ZFP82: variants seen among roughly 807,000 people sequenced by gnomAD.
The protein encoded by ZFP82 is zinc finger protein 82 homolog.
ZFP82 carries 30 observed loss-of-function variants against 54.0 expected under a neutral mutation model. The observed-to-expected ratio is 0.56, with a 90% CI of 0.42 to 0.75. The LOEUF (loss-of-function observed/expected upper bound fraction) is 0.75. Among genes scored for constraint, ZFP82 ranks in the 30% least tolerant of loss-of-function variants. The pLI is 0.00. For synonymous variants in ZFP82, 194 were observed against 209.5 expected (o/e 0.93, Z 0.64); for missense variants, 500 against 636.8 (o/e 0.79, Z 2.31).
Position 36,393,294 on chromosome 19 carries a change from A to T in ZFP82, c.1046T>A (p.Val349Glu). 6.2e-7 allele frequency: 1 copy of T among 1,612,900 alleles called. No individual in the cohort carries two copies. Among genetic ancestry groups the T allele is most frequent in the Non-Finnish European group, 8.5e-7 (1 of 1,179,686 alleles). The part of the protein sequence containing the change: ...ECKECGKAFR[V>E]RQQLTLHQRI... Reference sequence around the variant, plus strand: ...CTGATGGAGTGTTAGTTGTTGTCGCACTCTAAAGGCCTTCCCGCATTCCTT... The same window carrying T: ...CTGATGGAGTGTTAGTTGTTGTCGCTCTCTAAAGGCCTTCCCGCATTCCTT... Residue 349 changes from valine (V) to glutamate (E), a missense_variant, in exon 5 of 5, where the codon GTG (valine) becomes GAG (glutamate). Physicochemically the swap from Val to Glu is moderately radical, Grantham distance 121 (BLOSUM62 -2). Coordinates refer to ENST00000392161, the MANE Select transcript of ZFP82 (RefSeq NM_133466.4).
chr19:36,407,298 G>A (rs1032862379), intron 3 of ZFP82, among the ~76,000 whole-genome samples: 4 of 151,506 alleles, frequency 2.6e-5, no homozygotes, highest in African/African-American at 9.7e-5. Context: ...GGATGGTCTC[G>A]ATCTCCTGAC....
intron 2 of ZFP82, among the ~76,000 whole-genome samples, chr19:36,408,485 A>C (rs573192845): frequency 1.9e-4 from 29 of 152,284 alleles, no homozygotes; most frequent in Admixed American, 1.8e-3. Context: ...TCCTAGAAGC[A>C]GATCATATCA....
At chr19:36,412,172 A>C (rs530110491) in intron 1 of ZFP82, among the ~76,000 whole-genome samples, 1 of 152,258 alleles carries the variant, frequency 6.6e-6, no homozygotes, top group Admixed American at 6.5e-5. Context: ...AAGATATATA[A>C]TCTCTTAGAA....
intron 1 of ZFP82, among the ~76,000 whole-genome samples, chr19:36,411,791 G>A (rs1218964310): frequency 6.6e-6 from 1 of 151,528 alleles, no homozygotes; most frequent in Non-Finnish European, 1.5e-5. Context: ...CGTGAAACCA[G>A]GAGGCGGAGC....
At chr19:36,400,825 C>T (rs957933460) in intron 4 of ZFP82, among the ~76,000 whole-genome samples, 12 of 152,294 alleles carry the variant, frequency 7.9e-5, no homozygotes, top group Admixed American at 7.8e-4. Flanking sequence ...TCCCTTCATA[C>T]ATAATTCCTC....
intron 1 of ZFP82, among the ~76,000 whole-genome samples, chr19:36,417,993 G>C (rs979707646): frequency 4.1e-4 from 63 of 152,198 alleles, no homozygotes; most frequent in African/African-American, 1.2e-3. Flanking sequence ...GCTCGCTGCA[G>C]CCTCAATCTC....
intron 4 of ZFP82, among the ~76,000 whole-genome samples, chr19:36,396,860 T>A (rs1405325601): frequency 7.5e-6 from 1 of 134,178 alleles, no homozygotes; most frequent in Non-Finnish European, 1.6e-5. Flanking sequence ...AAAAAAAAAA[T>A]TAAGCCTACA....
Position 36,391,794 on chromosome 19 carries a change from C to T in ZFP82, c.*947G>A, listed in dbSNP as rs2032203881. 6.6e-6 allele frequency: 1 copy of T among 152,094 alleles called. No individual in the cohort carries two copies. Among genetic ancestry groups the T allele is most frequent in the African/African-American group, 2.4e-5 (1 of 41,392 alleles). 9.4% of individuals were successfully genotyped at this position (152,094 alleles called of 1,614,324 possible). A position where few individuals can be genotyped will look rare whatever the true frequency, so the allele number is the denominator to read the frequency against. On this transcript the variant is annotated 3_prime_UTR_variant, in exon 5 of 5. Transcript: ENST00000392161. ...GGGTATCTGTTTTTTAATGAACAAACTGGAAAGGAATTCCTTACTTTCAAT... is the reference window on the plus strand; with the variant it reads ...GGGTATCTGTTTTTTAATGAACAAATTGGAAAGGAATTCCTTACTTTCAAT...
chr19:36,401,057 CTTCT>C (rs1325929597), intron 4 of ZFP82, among the ~76,000 whole-genome samples: 77 of 79,988 alleles, frequency 9.6e-4, no homozygotes, highest in South Asian at 2.8e-3. Context: ...ATGGCTGCCC[CTTCT>C]TTTTTTTTTT....
At chr19:36,386,748 C>A (rs2032119780), downstream of ZFP82, among the ~76,000 whole-genome samples, 1 of 152,130 alleles carries the variant, frequency 6.6e-6, no homozygotes, top group South Asian at 2.1e-4. Context: ...ACCAGCCTGG[C>A]CAACATGGTG....
intron 4 of ZFP82, chr19:36,394,366 C>T (rs527916923): frequency 1.4e-5 from 6 of 424,184 alleles, no homozygotes; most frequent in South Asian, 1.3e-4. Flanking sequence ...AGAATCACCA[C>T]ATAGCTTGTT....
intron 4 of ZFP82, among the ~76,000 whole-genome samples, chr19:36,403,693 CAA>C (rs901568598): frequency 6.8e-6 from 1 of 147,996 alleles, no homozygotes; most frequent in African/African-American, 2.5e-5. Context: ...ACAAGGTAAA[CAA>C]AAGACCATGA....
Position 36,394,036 on chromosome 19 carries a change from TC to T in ZFP82, c.303del (p.Trp101Ter). 1 of 1,611,200 alleles carries T rather than the reference TC, an allele frequency of 6.2e-7. No individual in the cohort carries two copies. Among genetic ancestry groups the T allele is most frequent in the South Asian group, 1.1e-5 (1 of 89,962 alleles). The stretch of plus-strand genomic sequence containing the variant: ...TGGTTTTCAATTCTTTCCATTATCT[TC>T]CACTGGGATAAATTTATTTCATAAA... ...NDIYEINLSQWKIMERIENHG... is the reference protein window; with the variant it reads ...NDIYEINLSQXKIMERIENHG... On this transcript the variant is annotated frameshift_variant, in exon 5 of 5. Transcript: ENST00000392161. LOFTEE classifies it high-confidence loss of function.
intron 3 of ZFP82, among the ~76,000 whole-genome samples, chr19:36,407,084 T>TC (rs1237338865): frequency 2.1e-5 from 3 of 145,566 alleles, no homozygotes; most frequent in East Asian, 3.9e-4. Context: ...CTTTTTTTTT[T>TC]TTTTTTTTTT....
At chr19:36,396,559 G>A (rs538555707) in intron 4 of ZFP82, among the ~76,000 whole-genome samples, 1 of 152,258 alleles carries the variant, frequency 6.6e-6, no homozygotes, top group East Asian at 1.9e-4. Context: ...GGGAGGCTGA[G>A]GCAGGAGAAT....
rs867214075 is a variant in ZFP82 at position 36,393,666 on chromosome 19, A to T, written c.674T>A (p.Leu225His). Residue 225 changes from leucine (L) to histidine (H), a missense_variant, in exon 5 of 5, where the codon CTC (leucine) becomes CAC (histidine). Physicochemically the swap from Leu to His is moderately conservative, Grantham distance 99. Transcript: ENST00000392161. ...RHQRLHSGEK[L>H]YECKECGEAF... The stretch of plus-strand genomic sequence containing the variant: ...TTCCCCACATTCCTTACATTCATAG[A>T]GTTTTTCACCAGAATGAAGTCTCTG... 1.9e-6 allele frequency: 3 copies of T among 1,613,950 alleles called. No individual in the cohort carries two copies. Among genetic ancestry groups the T allele is most frequent in the Non-Finnish European group, 2.5e-6 (3 of 1,179,978 alleles).
intron 4 of ZFP82, among the ~76,000 whole-genome samples, chr19:36,402,854 C>T (rs2032411480): frequency 6.6e-6 from 1 of 150,502 alleles, no homozygotes; most frequent in Non-Finnish European, 1.5e-5. Flanking sequence ...ATTAGCCAGG[C>T]ATGGCCAGGC....
intron 4 of ZFP82, among the ~76,000 whole-genome samples, chr19:36,402,468 C>CAAA (rs377338348): frequency 1.7e-5 from 1 of 57,442 alleles, no homozygotes; most frequent in African/African-American, 7.4e-5. Flanking sequence ...GACTCCATCT[C>CAAA]AAAAAAAAAA....
chr19:36,383,643 C>T (rs2032084586), downstream of ZFP82: 1 of 151,988 alleles, frequency 6.6e-6, no homozygotes, highest in Non-Finnish European at 1.5e-5. Flanking sequence ...TTGCAGTTGA[C>T]ACACCTGATT....
Sources: allele counts gnomAD v4.1 joint callset (sites outside exome capture counted in the v4.1 genomes callset), GRCh38; gene constraint gnomAD v4.1.1; transcripts MANE v1.5; gene names NCBI Gene and HGNC (gene_info 2026-07-23, HGNC 2026-07-21).